The following RPS6KA3 variants were observed in gnomAD, a reference collection of about 807,000 sequenced individuals.
RPS6KA3 encodes the protein ribosomal protein S6 kinase A3.
In RPS6KA3, 4 loss-of-function variants were observed where a neutral mutation model predicts 67.2. That is an observed-to-expected ratio of 0.06 (90% CI 0.03 to 0.14). RPS6KA3 has a LOEUF of 0.14. Among genes scored for constraint, RPS6KA3 ranks in the 10% least tolerant of loss-of-function variants. The pLI is 1.00. For synonymous variants in RPS6KA3, 182 were observed against 183.7 expected (o/e 0.99, Z 0.07); for missense variants, 204 against 559.0 (o/e 0.36, Z 6.40).
chrX:20,244,784 A>G (rs899816098), intron 1 of RPS6KA3, among the ~76,000 whole-genome samples: 2 of 112,331 alleles, frequency 1.8e-5, no homozygotes, highest in Non-Finnish European at 3.8e-5. Flanking sequence ...GGAGAAAACT[A>G]GAGTTCTTCA....
chrX:20,211,181 G>A (rs1411831507), intron 2 of RPS6KA3, among the ~76,000 whole-genome samples: 1 of 111,197 alleles, frequency 9.0e-6, no homozygotes, highest in Non-Finnish European at 1.9e-5. Flanking sequence ...AGAGAGGGCT[G>A]ATACAACATA....
intron 2 of RPS6KA3, among the ~76,000 whole-genome samples, chrX:20,225,260 T>G (rs2069089938): frequency 3.9e-5 from 4 of 102,888 alleles, no homozygotes; most frequent in South Asian, 4.5e-4. Flanking sequence ...TTTTTGTTTT[T>G]TTTTTTTTTA....
intron 3 of RPS6KA3, among the ~76,000 whole-genome samples, chrX:20,207,467 C>T (rs1421716024): frequency 8.9e-6 from 1 of 111,918 alleles, no homozygotes; most frequent in African/African-American, 3.3e-5. Context: ...CTTGGAGAAG[C>T]AATCTAGATT....
chrX:20,191,010 T>A (rs1314777756), intron 7 of RPS6KA3, among the ~76,000 whole-genome samples: 1 of 110,664 alleles, frequency 9.0e-6, no homozygotes, highest in Non-Finnish European at 1.9e-5. Context: ...CCTAATGCTA[T>A]CCCTCCCCTA....
chrX:20,216,038 T>G (rs2068840895), intron 2 of RPS6KA3, among the ~76,000 whole-genome samples: 1 of 112,433 alleles, frequency 8.9e-6, no homozygotes, highest in Non-Finnish European at 1.9e-5. Flanking sequence ...ATATACATTC[T>G]AATTATTCTG....
intron 21 of RPS6KA3, 98 bp from the exon 22 acceptor site, chrX:20,155,618 A>G (rs764076073): frequency 2.0e-6 from 2 of 997,683 alleles, no homozygotes; most frequent in Non-Finnish European, 2.8e-6. Flanking sequence ...AAATGTACAT[A>G]GATTTTATTT....
chrX:20,226,043 G>A (rs2069112864), intron 2 of RPS6KA3, among the ~76,000 whole-genome samples: 1 of 110,952 alleles, frequency 9.0e-6, no homozygotes. Context: ...TTAGCTGAGT[G>A]TGGTGGCATG....
At position 20,161,700 on chromosome X, in the gene RPS6KA3, T is replaced by A; in HGVS notation, c.1903A>T (p.Ser635Cys). Residue 635 changes from serine to cysteine, a missense_variant, in exon 20 of 22, where the codon AGC (serine) becomes TGC (cysteine). Transcript: ENST00000379565. ...TPEEILARIG[S>C]GKFSLSGGYW... ...CCACCACTGAGTGAGAATTTTCCGC[T>A]ACCTATTCGTGCCAATATTTCCTCT... The A allele has an allele frequency of 8.5e-7, 1 of 1,173,232 alleles. No homozygotes were observed. Among genetic ancestry groups the A allele is most frequent in the Non-Finnish European group, 1.1e-6 (1 of 870,094 alleles).
intron 2 of RPS6KA3, among the ~76,000 whole-genome samples, chrX:20,228,774 T>C (rs1425406422): frequency 9.0e-6 from 1 of 111,593 alleles, no homozygotes; most frequent in Non-Finnish European, 1.9e-5. Flanking sequence ...TAATTTCATC[T>C]TGTTACCACT....
intron 1 of RPS6KA3, among the ~76,000 whole-genome samples, chrX:20,243,738 C>A (rs2069612277): frequency 9.0e-6 from 1 of 110,507 alleles, no homozygotes; most frequent in Non-Finnish European, 1.9e-5. Context: ...AAGTGATCCA[C>A]CCGTCTCGGC....
chrX:20,265,637 G>A (rs1439169873), intron 1 of RPS6KA3: 2 of 112,050 alleles, frequency 1.8e-5, no homozygotes, highest in Non-Finnish European at 3.8e-5. Context: ...CTCCGGAGAG[G>A]AGCGGTGATA....
chrX:20,203,958 G>T, intron 4 of RPS6KA3, 64 bp downstream of exon 4: 1 of 802,458 alleles, frequency 1.2e-6, no homozygotes, highest in Non-Finnish European at 1.9e-6. Flanking sequence ...AGTCCCATGA[G>T]CTCTATTGAG....
intron 2 of RPS6KA3, among the ~76,000 whole-genome samples, chrX:20,228,901 GAGA>G (rs765320329): frequency 8.9e-6 from 1 of 111,813 alleles, no homozygotes; most frequent in South Asian, 3.7e-4. Context: ...TAATTTCCCA[GAGA>G]AGAAGAGGAC....
At chrX:20,181,434 T>A (rs1423065416) in intron 10 of RPS6KA3, among the ~76,000 whole-genome samples, 1 of 110,669 alleles carries the variant, frequency 9.0e-6, no homozygotes, top group Non-Finnish European at 1.9e-5. Context: ...TTCTTGAGTG[T>A]CCCATCTAAT....
chrX:20,209,166 A>C, intron 3 of RPS6KA3, 122 bp downstream of exon 3: 1 of 512,834 alleles, frequency 1.9e-6, no homozygotes, highest in Non-Finnish European at 3.5e-6. Context: ...AATGTAAAAA[A>C]ACAGAAAACA....
At chrX:20,242,423 A>G (rs1040855073) in intron 1 of RPS6KA3, among the ~76,000 whole-genome samples, 1 of 111,880 alleles carries the variant, frequency 8.9e-6, no homozygotes, top group African/African-American at 3.2e-5. Flanking sequence ...CCCTAAGAAC[A>G]TGAGTCAGGT....
At chrX:20,265,961 G>T (rs1246461874) in intron 1 of RPS6KA3, 3 of 110,535 alleles carry the variant, frequency 2.7e-5, no homozygotes, top group Non-Finnish European at 5.7e-5. Flanking sequence ...AGAAACGGAG[G>T]GGGTAGGGGA....
At chrX:20,251,814 G>A (rs1027138417) in intron 1 of RPS6KA3, among the ~76,000 whole-genome samples, 2 of 112,094 alleles carry the variant, frequency 1.8e-5, no homozygotes, top group African/African-American at 3.2e-5. Context: ...TCTAGGAGTG[G>A]ATTACTTTGC....
chrX:20,169,865 C>G (rs747692332), intron 15 of RPS6KA3, among the ~76,000 whole-genome samples: 1 of 111,564 alleles, frequency 9.0e-6, no homozygotes, highest in East Asian at 2.8e-4. Context: ...CAGTCAACTT[C>G]TAACCCCCCA....
Sources: gnomAD v4.1 joint callset for allele counts (sites outside exome capture counted in the v4.1 genomes callset) on GRCh38, gnomAD v4.1.1 for gene constraint, MANE v1.5 for transcripts, NCBI Gene and HGNC (gene_info 2026-07-23, HGNC 2026-07-21) for gene names.